Variants in SLC9A9 observed in about 807,000 individuals in gnomAD.
The protein encoded by SLC9A9 is sodium/hydrogen exchanger 9.
SLC9A9 carries 62 observed loss-of-function variants against 77.8 expected under a neutral mutation model. The observed-to-expected ratio is 0.80, with a 90% CI of 0.65 to 0.98. The LOEUF (loss-of-function observed/expected upper bound fraction) is 0.98, where lower values mean the gene tolerates loss of function less well. Ranked by LOEUF, SLC9A9 falls within the 50% of genes least tolerant of loss-of-function variation. The pLI, the probability that SLC9A9 is intolerant of heterozygous loss-of-function variation, is 0.00. For synonymous variants in SLC9A9, 320 were observed against 283.5 expected, an observed-to-expected ratio of 1.13 and a Z score of -1.29; for missense variants, 775 against 774.9, an observed-to-expected ratio of 1.00 and a Z score of 0.00.
chr3:143,585,181 A>G (rs2037521331), intron 6 of SLC9A9, among the ~76,000 whole-genome samples: 1 of 152,184 alleles, frequency 6.6e-6, no homozygotes, highest in African/African-American at 2.4e-5. Context: ...GGGTTGGGTC[A>G]GTAGCCACTT....
At chr3:143,296,877 T>A (rs1484976297) in intron 14 of SLC9A9, among the ~76,000 whole-genome samples, 1 of 152,128 alleles carries the variant, frequency 6.6e-6, no homozygotes, top group Non-Finnish European at 1.5e-5. Flanking sequence ...AAATTGGGTG[T>A]TTTTTGGCTA....
intron 12 of SLC9A9, among the ~76,000 whole-genome samples, chr3:143,388,231 T>C (rs1341393303): frequency 6.6e-6 from 1 of 152,166 alleles, no homozygotes; most frequent in Non-Finnish European, 1.5e-5. Flanking sequence ...CCTGTATTAT[T>C]TGACTAAATA....
chr3:143,371,841 C>T, intron 13 of SLC9A9: 1 of 185,232 alleles, frequency 5.4e-6, no homozygotes, highest in South Asian at 8.1e-5. Flanking sequence ...CAAGAGACAA[C>T]TGGATTTGAT....
intron 14 of SLC9A9, chr3:143,343,713 C>T (rs1196318797): frequency 1.3e-5 from 2 of 152,162 alleles, no homozygotes; most frequent in African/African-American, 2.4e-5. Flanking sequence ...TTAAAAATGA[C>T]AGAGAATATA....
intron 11 of SLC9A9, among the ~76,000 whole-genome samples, chr3:143,489,058 C>T (rs941922561): frequency 2.0e-5 from 3 of 151,838 alleles, no homozygotes; most frequent in African/African-American, 7.2e-5. Context: ...ATAAAGTCAA[C>T]ATGCAAAAAT....
At chr3:143,729,672 C>G (rs1042147197) in intron 4 of SLC9A9, among the ~76,000 whole-genome samples, 2 of 152,158 alleles carry the variant, frequency 1.3e-5, no homozygotes, top group Non-Finnish European at 2.9e-5. Flanking sequence ...TTCATCACCC[C>G]AGGCTGCTGT....
Position 143,324,191 on chromosome 3 carries a change from C to T in SLC9A9, c.1604+39293G>A, listed in dbSNP as rs140395630. Among the ~76,000 whole-genome samples, 1,215 of 152,016 alleles carry T rather than the reference C, an allele frequency of 8.0e-3. 22 individuals carry two copies. The highest frequency in any genetic ancestry group is 0.028 in the African/African-American group (1,150 of 41,386). On this transcript the variant is annotated intron_variant, in intron 14 of 15. Transcript: ENST00000316549. ...GAGGGGCAGAACAGCACCAGCCTTC[C>T]TTGAACAAGAGCCACTGAATTAGTG...
At chr3:143,517,021 T>G in intron 9 of SLC9A9, 1 of 724,458 alleles carries the variant, frequency 1.4e-6, no homozygotes, top group East Asian at 2.5e-5. Flanking sequence ...GCAATTTCTG[T>G]TTATTGAGTA....
chr3:143,724,364 C>T (rs1934584578), intron 4 of SLC9A9, among the ~76,000 whole-genome samples: 1 of 152,188 alleles, frequency 6.6e-6, no homozygotes, highest in South Asian at 2.1e-4. Context: ...TCCTGTTAAG[C>T]CTGCGGAACT....
chr3:143,497,358 C>T (rs2035852704), intron 9 of SLC9A9, among the ~76,000 whole-genome samples: 1 of 152,192 alleles, frequency 6.6e-6, no homozygotes, highest in Non-Finnish European at 1.5e-5. Context: ...TCATGCCTCC[C>T]TAGCTCAAAT....
chr3:143,809,169 G>A (rs1367297365), intron 2 of SLC9A9, among the ~76,000 whole-genome samples: 1 of 152,210 alleles, frequency 6.6e-6, no homozygotes, highest in Non-Finnish European at 1.5e-5. Context: ...ATCTGGAAGA[G>A]AGAAACACAG....
chr3:143,330,131 C>T (rs967170382), intron 14 of SLC9A9, among the ~76,000 whole-genome samples: 1 of 152,202 alleles, frequency 6.6e-6, no homozygotes, highest in Non-Finnish European at 1.5e-5. Context: ...GACCCGATCA[C>T]TGCCGGCCAG....
intron 8 of SLC9A9, among the ~76,000 whole-genome samples, chr3:143,552,974 G>A (rs915526174): frequency 2.0e-4 from 30 of 152,216 alleles, no homozygotes; most frequent in Admixed American, 1.9e-3. Flanking sequence ...CCCTGCCAAC[G>A]CTCCTACTTG....
chr3:143,283,979 T>C (rs1055396521), intron 14 of SLC9A9, among the ~76,000 whole-genome samples: 6 of 152,112 alleles, frequency 3.9e-5, no homozygotes, highest in Admixed American at 3.3e-4. Flanking sequence ...ATTCTCTCCT[T>C]GTAAAAATAA....
intron 4 of SLC9A9, among the ~76,000 whole-genome samples, chr3:143,753,822 A>C (rs2006825755): frequency 6.6e-6 from 1 of 152,234 alleles, no homozygotes; most frequent in South Asian, 2.1e-4. Context: ...ATGTCTTCAA[A>C]TTAATGTTCT....
At chr3:143,271,460 A>G (rs1227944428) in intron 14 of SLC9A9, among the ~76,000 whole-genome samples, 1 of 152,214 alleles carries the variant, frequency 6.6e-6, no homozygotes, top group Non-Finnish European at 1.5e-5. Context: ...AAACCTTGAT[A>G]TGCTATAAAA....
At chr3:143,825,684 C>T (rs146160459) in intron 2 of SLC9A9, among the ~76,000 whole-genome samples, 5 of 152,284 alleles carry the variant, frequency 3.3e-5, no homozygotes, top group African/African-American at 7.2e-5. Flanking sequence ...CTTTACCAAG[C>T]GATAGTGTCT....
chr3:143,518,183 C>T (rs2036235155), intron 9 of SLC9A9: 1 of 1,599,330 alleles, frequency 6.3e-7, no homozygotes, highest in Non-Finnish European at 8.5e-7. Flanking sequence ...ATCCTCCTTA[C>T]ACATTTTCAC....
At chr3:143,827,246 G>T (rs945760416) in intron 2 of SLC9A9, among the ~76,000 whole-genome samples, 2 of 152,186 alleles carry the variant, frequency 1.3e-5, no homozygotes, top group Non-Finnish European at 2.9e-5. Context: ...CCAGTTGCAG[G>T]TATCTTGTAT....
Sources: allele counts gnomAD v4.1 joint callset (sites outside exome capture counted in the v4.1 genomes callset), GRCh38; gene constraint gnomAD v4.1.1; transcripts MANE v1.5; gene names NCBI Gene and HGNC (gene_info 2026-07-23, HGNC 2026-07-21).